The following ARB2A variants were observed in gnomAD, a reference collection of about 807,000 sequenced individuals.
The protein encoded by ARB2A is ARB2 cotranscriptional regulator A.
At chr5:94,046,914 A>G in the ARB2A span, among the ~76,000 whole-genome samples, 1 of 152,324 alleles carries the variant, frequency 6.6e-6, no homozygotes, top group African/African-American at 2.4e-5. Flanking sequence ...AACTCATACA[A>G]CTAACTTCTA....
the ARB2A span, among the ~76,000 whole-genome samples, chr5:93,702,598 C>T: frequency 6.6e-6 from 1 of 151,976 alleles, no homozygotes; most frequent in African/African-American, 2.4e-5. Context: ...ATACAGGGGG[C>T]TCAATAAGCA....
chr5:93,754,611 G>T, the ARB2A span, among the ~76,000 whole-genome samples: 1 of 152,190 alleles, frequency 6.6e-6, no homozygotes, highest in Non-Finnish European at 1.5e-5. Flanking sequence ...GAAGTCAGAA[G>T]ATACCAGTGC....
the ARB2A span, among the ~76,000 whole-genome samples, chr5:93,624,818 G>C: frequency 6.6e-6 from 1 of 152,108 alleles, no homozygotes; most frequent in East Asian, 1.9e-4. Context: ...ATGTTCAGCA[G>C]CTATTCATGT....
chr5:94,077,113 G>A, the ARB2A span, among the ~76,000 whole-genome samples: 29 of 151,976 alleles, frequency 1.9e-4, no homozygotes, highest in Admixed American at 3.9e-4. Flanking sequence ...GGTGGCTCAC[G>A]CCTGTAATCC....
chr5:93,843,299 C>T, the ARB2A span, among the ~76,000 whole-genome samples: 4 of 151,920 alleles, frequency 2.6e-5, no homozygotes, highest in African/African-American at 9.7e-5. Flanking sequence ...AATATAGAGT[C>T]CTGAACAAAT....
chr5:93,949,434 G>A, the ARB2A span, among the ~76,000 whole-genome samples: 2 of 151,898 alleles, frequency 1.3e-5, no homozygotes, highest in Admixed American at 1.3e-4. Flanking sequence ...GGTGGCACAC[G>A]CCTGTAGTCC....
chr5:94,103,669 G>T, the ARB2A span, among the ~76,000 whole-genome samples: 1 of 151,698 alleles, frequency 6.6e-6, no homozygotes, highest in Non-Finnish European at 1.5e-5. Context: ...TTGACCAAAT[G>T]GCCCTAACAG....
chr5:93,794,696 G>A, the ARB2A span, among the ~76,000 whole-genome samples: 68 of 152,154 alleles, frequency 4.5e-4, no homozygotes, highest in Non-Finnish European at 4.9e-4. Context: ...TCTGGGTCTA[G>A]ACACCCAGCA....
chr5:94,111,452 T>G, the ARB2A span: 1 of 152,786 alleles, frequency 6.5e-6, no homozygotes, highest in Admixed American at 6.6e-5. Context: ...GCCAGCCCCC[T>G]CCTGATTTCG....
the ARB2A span, among the ~76,000 whole-genome samples, chr5:93,991,365 CATA>C: frequency 1.3e-5 from 2 of 152,066 alleles, no homozygotes; most frequent in Non-Finnish European, 2.9e-5. Flanking sequence ...CACTCATCAA[CATA>C]ATATTTACAA....
chr5:93,774,823 G>A, the ARB2A span, among the ~76,000 whole-genome samples: 1 of 152,236 alleles, frequency 6.6e-6, no homozygotes, highest in African/African-American at 2.4e-5. Context: ...TCATTAAACA[G>A]AAACACACAT....
At chr5:94,082,157 T>G in the ARB2A span, among the ~76,000 whole-genome samples, 1 of 152,152 alleles carries the variant, frequency 6.6e-6, no homozygotes, top group Non-Finnish European at 1.5e-5. Context: ...CAGTTCTCTG[T>G]CAATGGTAAT....
chr5:94,055,516 T>A, the ARB2A span: 2 of 459,286 alleles, frequency 4.4e-6, no homozygotes, highest in Non-Finnish European at 5.7e-6. Context: ...CTAACTCTTA[T>A]ATCAAATTCA....
At chr5:93,842,396 A>C in the ARB2A span, among the ~76,000 whole-genome samples, 2 of 152,304 alleles carry the variant, frequency 1.3e-5, no homozygotes, top group South Asian at 4.1e-4. Context: ...TTTAAGAAAA[A>C]ATTTGTTGAT....
At chr5:94,033,624 C>T in the ARB2A span, among the ~76,000 whole-genome samples, 1 of 152,130 alleles carries the variant, frequency 6.6e-6, no homozygotes, top group African/African-American at 2.4e-5. Flanking sequence ...GGGGTTTCAC[C>T]ATGTTGGCCA....
chr5:93,946,069 C>CT, the ARB2A span, among the ~76,000 whole-genome samples: 2 of 152,086 alleles, frequency 1.3e-5, no homozygotes, highest in Non-Finnish European at 2.9e-5. Flanking sequence ...AACAAGTAGA[C>CT]TGAAGGCATT....
At chr5:93,906,310 A>AG in the ARB2A span, among the ~76,000 whole-genome samples, 1 of 151,510 alleles carries the variant, frequency 6.6e-6, no homozygotes, top group Non-Finnish European at 1.5e-5. Flanking sequence ...CAGCATAAAA[A>AG]GGAGAGGCTA....
At chr5:93,935,397 G>A in the ARB2A span, among the ~76,000 whole-genome samples, 1 of 152,148 alleles carries the variant, frequency 6.6e-6, no homozygotes, top group Non-Finnish European at 1.5e-5. Flanking sequence ...GATTTTGGGG[G>A]CCAATAATGA....
At chr5:94,055,500 A>C in the ARB2A span, among the ~76,000 whole-genome samples, 1 of 152,024 alleles carries the variant, frequency 6.6e-6, no homozygotes, top group Non-Finnish European at 1.5e-5. Flanking sequence ...ACTGTTTAGC[A>C]CTCTTCTAAC....
Sources: allele counts gnomAD v4.1 joint callset (sites outside exome capture counted in the v4.1 genomes callset), GRCh38; gene constraint gnomAD v4.1.1; transcripts MANE v1.5; gene names NCBI Gene and HGNC (gene_info 2026-07-23, HGNC 2026-07-21).